Variants in RBFOX1 observed in about 807,000 individuals in gnomAD.
The protein encoded by RBFOX1 is RNA binding protein fox-1 homolog 1.
Under a neutral mutation model 57.7 loss-of-function variants are expected in RBFOX1, and 8 were observed. The observed-to-expected ratio is 0.14, with a 90% CI of 0.08 to 0.25. The LOEUF (loss-of-function observed/expected upper bound fraction) is 0.25. RBFOX1 is among the 10% of genes least tolerant of loss of function. The pLI is 1.00. For synonymous variants in RBFOX1, 326 were observed against 222.4 expected, an observed-to-expected ratio of 1.47 and a Z score of -4.15; for missense variants, 611 against 548.5, an observed-to-expected ratio of 1.11 and a Z score of -1.14.
chr16:6,742,327 A>T (rs74365406), intron 3 of RBFOX1, among the ~76,000 whole-genome samples: 22 of 152,182 alleles, frequency 1.4e-4, no homozygotes, highest in African/African-American at 5.3e-4. Flanking sequence ...TAAGATAGAA[A>T]CTATCAAATA....
intron 4 of RBFOX1, among the ~76,000 whole-genome samples, chr16:7,233,168 A>G (rs1328267692): frequency 6.6e-6 from 1 of 151,450 alleles, no homozygotes; most frequent in East Asian, 2.0e-4. Flanking sequence ...CCACCTTCAT[A>G]TAAAGCCCTG....
At chr16:7,183,434 G>C (rs948488558) in intron 4 of RBFOX1, among the ~76,000 whole-genome samples, 1 of 152,190 alleles carries the variant, frequency 6.6e-6, no homozygotes, top group Non-Finnish European at 1.5e-5. Context: ...CTGAACGAAA[G>C]TGTTTTATTT....
intron 4 of RBFOX1, among the ~76,000 whole-genome samples, chr16:7,101,279 C>T (rs899327979): frequency 1.3e-5 from 2 of 152,014 alleles, no homozygotes; most frequent in Non-Finnish European, 2.9e-5. Context: ...GCCAGCTCGC[C>T]GCTAGCTTGG....
intron 4 of RBFOX1, among the ~76,000 whole-genome samples, chr16:7,200,648 G>C (rs750144544): frequency 1.4e-4 from 21 of 152,222 alleles, no homozygotes; most frequent in Non-Finnish European, 2.6e-4. Context: ...TAGAGTGCTT[G>C]GAAATAGTTC....
intron 3 of RBFOX1, among the ~76,000 whole-genome samples, chr16:6,730,374 C>A (rs1000548951): frequency 7.1e-6 from 1 of 141,518 alleles, no homozygotes; most frequent in Non-Finnish European, 1.5e-5. Context: ...CATGTGGAAT[C>A]TCTCTCTCTC....
At chr16:6,535,334 G>A (rs554557620) in intron 2 of RBFOX1, among the ~76,000 whole-genome samples, 1 of 152,282 alleles carries the variant, frequency 6.6e-6, no homozygotes, top group African/African-American at 2.4e-5. Context: ...TTACTTTGAA[G>A]CTCCTCTGGG....
At chr16:6,185,483 C>G (rs1277107586) in intron 1 of RBFOX1, among the ~76,000 whole-genome samples, 2 of 152,178 alleles carry the variant, frequency 1.3e-5, no homozygotes, top group African/African-American at 4.8e-5. Context: ...TAGCAGAACT[C>G]AAACCAGAGC....
chr16:5,842,313 A>C (rs1212638080), intron 3 of RBFOX1, among the ~76,000 whole-genome samples: 2 of 152,034 alleles, frequency 1.3e-5, no homozygotes, highest in African/African-American at 4.8e-5. Context: ...GTTCCCTCCT[A>C]AGCTGATGCG....
At chr16:5,727,846 C>T (rs938040233) in intron 3 of RBFOX1, among the ~76,000 whole-genome samples, 2 of 152,264 alleles carry the variant, frequency 1.3e-5, no homozygotes, top group Middle Eastern at 6.8e-3. Context: ...CGCCACCATG[C>T]CCACTAATAT....
At chr16:6,117,757 C>T (rs1441606252) in intron 1 of RBFOX1, among the ~76,000 whole-genome samples, 1 of 152,186 alleles carries the variant, frequency 6.6e-6, no homozygotes, top group Admixed American at 6.5e-5. Flanking sequence ...TATAGCTGCA[C>T]AAAATGGAGT....
intron 2 of RBFOX1, among the ~76,000 whole-genome samples, chr16:6,571,954 G>A (rs994578601): frequency 2.0e-5 from 3 of 151,994 alleles, no homozygotes; most frequent in African/African-American, 7.2e-5. Context: ...ATATACAGTT[G>A]TACTCCTTGC....
At chr16:6,694,687 A>G (rs1344567902) in intron 3 of RBFOX1, among the ~76,000 whole-genome samples, 1 of 152,158 alleles carries the variant, frequency 6.6e-6, no homozygotes, top group Non-Finnish European at 1.5e-5. Context: ...GATGGCCACC[A>G]GGAGCCACCA....
intron 1 of RBFOX1, among the ~76,000 whole-genome samples, chr16:5,351,029 C>T (rs1389396447): frequency 2.0e-5 from 3 of 152,240 alleles, no homozygotes; most frequent in Non-Finnish European, 2.9e-5. Context: ...CACCCACCCA[C>T]GAATTATTAA....
intron 2 of RBFOX1, among the ~76,000 whole-genome samples, chr16:5,508,125 C>A (rs902882486): frequency 2.0e-5 from 3 of 152,204 alleles, no homozygotes; most frequent in African/African-American, 7.2e-5. Flanking sequence ...GCAAACTTGG[C>A]AGCCTAATAC....
chr16:5,559,997 A>G (rs1373343669), intron 2 of RBFOX1, among the ~76,000 whole-genome samples: 1 of 152,174 alleles, frequency 6.6e-6, no homozygotes, highest in East Asian at 1.9e-4. Context: ...CTCCCTAACC[A>G]GCATGAAAAA....
chr16:7,433,449 C>T (rs1326481319), intron 4 of RBFOX1, among the ~76,000 whole-genome samples: 1 of 152,276 alleles, frequency 6.6e-6, no homozygotes, highest in South Asian at 2.1e-4. Context: ...AATGAATGTT[C>T]CATGTAGAGC....
intron 1 of RBFOX1, among the ~76,000 whole-genome samples, chr16:5,304,942 T>C (rs1178252469): frequency 6.6e-6 from 1 of 152,234 alleles, no homozygotes; most frequent in African/African-American, 2.4e-5. Context: ...TCTTGTTTCA[T>C]GAAATTTGCC....
chr16:7,581,614 A>G (rs1416673219), intron 6 of RBFOX1, among the ~76,000 whole-genome samples: 4 of 151,856 alleles, frequency 2.6e-5, no homozygotes, highest in Admixed American at 2.6e-4. Flanking sequence ...AGGGATCCTG[A>G]GTCTCTCTAG....
chr16:5,867,533 T>A (rs2057372005), intron 4 of RBFOX1, among the ~76,000 whole-genome samples: 1 of 151,864 alleles, frequency 6.6e-6, no homozygotes, highest in East Asian at 1.9e-4. Context: ...CTTCATGGAG[T>A]GTGCGTGGTA....
Sources: allele counts gnomAD v4.1 joint callset (sites outside exome capture counted in the v4.1 genomes callset), GRCh38; gene constraint gnomAD v4.1.1; transcripts MANE v1.5; gene names NCBI Gene and HGNC (gene_info 2026-07-23, HGNC 2026-07-21).